Variants in SLC41A2 observed in about 807,000 individuals in gnomAD.
SLC41A2 encodes SLC41A1-like 1.
SLC41A2 carries 32 observed loss-of-function variants against 58.3 expected under a neutral mutation model. The ratio of observed to expected loss-of-function variants is 0.55; its 90% CI spans 0.41 to 0.74. The LOEUF (loss-of-function observed/expected upper bound fraction) is 0.74. Ranked by LOEUF, SLC41A2 falls within the 30% of genes least tolerant of loss-of-function variation. SLC41A2 has a pLI of 0.00. For synonymous variants in SLC41A2, 190 were observed against 235.0 expected (o/e 0.81, Z 1.75); for missense variants, 514 against 680.6 (o/e 0.76, Z 2.72).
At chr12:104,812,349 A>T (rs1334924002) in intron 10 of SLC41A2, among the ~76,000 whole-genome samples, 2 of 152,206 alleles carry the variant, frequency 1.3e-5, no homozygotes, top group African/African-American at 4.8e-5. Context: ...ACATTGGAAG[A>T]ACTTAAAAAA....
At chr12:104,820,199 G>A (rs2041571605) in intron 10 of SLC41A2, among the ~76,000 whole-genome samples, 2 of 152,314 alleles carry the variant, frequency 1.3e-5, no homozygotes, top group Non-Finnish European at 2.9e-5. Flanking sequence ...GGCATGGTGG[G>A]TCATCCCTGT....
intron 10 of SLC41A2, among the ~76,000 whole-genome samples, chr12:104,842,071 A>G (rs1315774202): frequency 6.6e-6 from 1 of 152,098 alleles, no homozygotes. Context: ...AGATCAAAAA[A>G]GGAAGACAAT....
At chr12:104,872,918 T>C (rs2043857380) in intron 6 of SLC41A2, among the ~76,000 whole-genome samples, 1 of 152,222 alleles carries the variant, frequency 6.6e-6, no homozygotes, top group South Asian at 2.1e-4. Flanking sequence ...CTTGGTGTTT[T>C]CATAGACATA....
In SLC41A2 at chr12:104,805,111, A is replaced by G; in HGVS notation, c.*41T>C. ...AAAGAGCCATAAGTGGTTGTCGTGTATTTTCTTCCTTGGTAACTTGAGAGC... is the reference window on the plus strand; with the variant it reads ...AAAGAGCCATAAGTGGTTGTCGTGTGTTTTCTTCCTTGGTAACTTGAGAGC... On this transcript the variant is annotated 3_prime_UTR_variant, in exon 11 of 11. Coordinates refer to ENST00000258538, the MANE Select transcript of SLC41A2 (RefSeq NM_001352171.3). 1 of 1,519,384 alleles carries G rather than the reference A, an allele frequency of 6.6e-7. No homozygotes were observed. Among genetic ancestry groups the G allele is most frequent in the Non-Finnish European group, 8.9e-7 (1 of 1,125,786 alleles). The allele number at this position is 1,519,384 out of a possible 1,614,324, so 94.1% of individuals were successfully genotyped here.
At chr12:104,898,938 T>C (rs545572880) in intron 3 of SLC41A2, among the ~76,000 whole-genome samples, 50 of 152,272 alleles carry the variant, frequency 3.3e-4, no homozygotes, top group Middle Eastern at 3.4e-3. Context: ...ACTACACACC[T>C]ATTAAAATAG....
chr12:104,824,610 G>C (rs768552389), intron 10 of SLC41A2, among the ~76,000 whole-genome samples: 2 of 152,166 alleles, frequency 1.3e-5, no homozygotes, highest in Non-Finnish European at 2.9e-5. Flanking sequence ...CTTGCGATAA[G>C]GCAGGAGTCT....
rs59662755 is a variant in SLC41A2, at chr12:104,856,443, T to A, written c.1255+4848A>T. On this transcript the variant is annotated intron_variant, in intron 8 of 10. Transcript: ENST00000258538. The stretch of plus-strand genomic sequence containing the variant: ...AGAGTGAGAAGGAAGAAAAATACTA[T>A]AATGAGTTGAAAAAATACAGACTAC... 4.8e-3 allele frequency among the ~76,000 whole-genome samples: 735 copies of A among 152,184 alleles called. 9 individuals are homozygous for A. Among genetic ancestry groups the A allele is most frequent in the African/African-American group, 0.017 (693 of 41,522 alleles).
At chr12:104,842,494 T>A (rs1000082940) in intron 10 of SLC41A2, among the ~76,000 whole-genome samples, 5 of 152,236 alleles carry the variant, frequency 3.3e-5, no homozygotes, top group Admixed American at 1.3e-4. Flanking sequence ...CCATTTATAA[T>A]ACTATCTTTA....
intron 2 of SLC41A2, among the ~76,000 whole-genome samples, chr12:104,914,282 T>TA (rs1267649486): frequency 6.6e-6 from 1 of 152,168 alleles, no homozygotes; most frequent in Non-Finnish European, 1.5e-5. Flanking sequence ...CTTATACAGG[T>TA]AAATTGAAAG....
At chr12:104,809,134 A>AATAAT (rs1566090518) in intron 10 of SLC41A2, among the ~76,000 whole-genome samples, 1 of 152,238 alleles carries the variant, frequency 6.6e-6, no homozygotes, top group East Asian at 1.9e-4. Context: ...CTGAGGATTA[A>AATAAT]ATAATATACT....
intron 1 of SLC41A2, among the ~76,000 whole-genome samples, chr12:104,933,585 T>C (rs1306017999): frequency 1.3e-5 from 2 of 148,980 alleles, no homozygotes; most frequent in Non-Finnish European, 2.9e-5. Context: ...CACGCGTATG[T>C]TTATCTGTTT....
At chr12:104,861,087 A>C (rs950814433) in intron 8 of SLC41A2, among the ~76,000 whole-genome samples, 1 of 152,210 alleles carries the variant, frequency 6.6e-6, no homozygotes, top group African/African-American at 2.4e-5. Flanking sequence ...AGATTAAGAA[A>C]GATTACTTTT....
At chr12:104,941,349 G>A (rs1397728237) in intron 1 of SLC41A2, among the ~76,000 whole-genome samples, 1 of 151,928 alleles carries the variant, frequency 6.6e-6, no homozygotes, top group Non-Finnish European at 1.5e-5. Context: ...CATTTGTAAA[G>A]CATTTGTTTA....
At chr12:104,828,473 C>T (rs769652960) in intron 10 of SLC41A2, among the ~76,000 whole-genome samples, 3 of 152,198 alleles carry the variant, frequency 2.0e-5, no homozygotes, top group East Asian at 1.9e-4. Flanking sequence ...AAACCATCTA[C>T]GGATAGCTAA....
At chr12:104,867,096 G>T (rs1351109638) in intron 6 of SLC41A2, among the ~76,000 whole-genome samples, 1 of 152,006 alleles carries the variant, frequency 6.6e-6, no homozygotes, top group Non-Finnish European at 1.5e-5. Flanking sequence ...AGGTAAATAG[G>T]ATATTATTTT....
intron 10 of SLC41A2, 148 bp from the exon 11 acceptor site, chr12:104,805,485 C>T: frequency 5.3e-6 from 3 of 569,460 alleles, no homozygotes; most frequent in Non-Finnish European, 8.6e-6. Context: ...ACTTAGATGA[C>T]AAGAATACTT....
At chr12:104,831,856 C>G (rs370827261) in intron 10 of SLC41A2, among the ~76,000 whole-genome samples, 77 of 152,040 alleles carry the variant, frequency 5.1e-4, no homozygotes, top group African/African-American at 1.8e-3. Flanking sequence ...ATATCAGAAT[C>G]GAAATGAAGA....
chr12:104,832,298 T>G (rs544345859), intron 10 of SLC41A2, among the ~76,000 whole-genome samples: 1 of 152,332 alleles, frequency 6.6e-6, no homozygotes, highest in Non-Finnish European at 1.5e-5. Flanking sequence ...TCTTCCTATG[T>G]AGGAATTAGT....
rs1389389721 is a variant in SLC41A2 at position 104,884,877 on chromosome 12, A to C, written c.1027+1416T>G. On this transcript the variant is annotated intron_variant, in intron 6 of 10. Transcript: ENST00000258538. The stretch of plus-strand genomic sequence containing the variant: ...GTGAGTTTAATAGAGTAGGACAAGA[A>C]TATTAAGCCACATTTTCTAATGCTA... Among the ~76,000 whole-genome samples, 3 of 152,236 alleles carry C rather than the reference A, an allele frequency of 2.0e-5. No individual in the cohort carries two copies. In the East Asian group the frequency reaches 5.8e-4, roughly 29 times the overall value.
Sources: gnomAD v4.1 joint callset for allele counts (sites outside exome capture counted in the v4.1 genomes callset) on GRCh38, gnomAD v4.1.1 for gene constraint, MANE v1.5 for transcripts, NCBI Gene and HGNC (gene_info 2026-07-23, HGNC 2026-07-21) for gene names.